The following LRRC40 variants were observed in gnomAD, a reference collection of about 807,000 sequenced individuals.
LRRC40 encodes the protein leucine-rich repeat-containing protein 40.
A neutral mutation model predicts 72.8 loss-of-function variants in LRRC40; 76 were observed. The observed-to-expected ratio is 1.04, with a 90% CI of 0.87 to 1.26. LRRC40 has a LOEUF of 1.26. Ranked by LOEUF, LRRC40 falls within the 50% of genes most tolerant of loss-of-function variation. The probability of loss-of-function intolerance (pLI) is 0.00; values close to 1 mark genes in which losing one functional copy is unlikely to be tolerated. For synonymous variants in LRRC40, 243 were observed against 254.2 expected, an observed-to-expected ratio of 0.96 and a Z score of 0.42; for missense variants, 684 against 698.9, an observed-to-expected ratio of 0.98 and a Z score of 0.24.
intron 5 of LRRC40, among the ~76,000 whole-genome samples, chr1:70,180,848 C>T (rs1343424638): frequency 6.6e-6 from 1 of 152,100 alleles, no homozygotes; most frequent in Admixed American, 6.5e-5. Context: ...AATCCTACTA[C>T]AACGAATAAT....
At chr1:70,170,896 G>C (rs1201592636) in intron 9 of LRRC40, among the ~76,000 whole-genome samples, 1 of 152,048 alleles carries the variant, frequency 6.6e-6, no homozygotes, top group East Asian at 1.9e-4. Context: ...GCAATCCTGA[G>C]AAACAAGAGG....
chr1:70,184,958 C>A, intron 3 of LRRC40, 44 bp from the exon 4 acceptor site: 1 of 1,476,608 alleles, frequency 6.8e-7, no homozygotes, highest in South Asian at 1.2e-5. Context: ...AGTGGCAATA[C>A]AATAAATATT....
intron 1 of LRRC40, among the ~76,000 whole-genome samples, chr1:70,190,677 TAAAAAAAAAAA>T (rs59341874): frequency 1.8e-5 from 1 of 54,360 alleles, no homozygotes; most frequent in South Asian, 6.0e-4. Flanking sequence ...ACCCTGTCTC[TAAAAAAAAAAA>T]AAAAAAAACT....
chr1:70,161,951 T>C (rs1571449190), intron 9 of LRRC40, among the ~76,000 whole-genome samples: 1 of 152,142 alleles, frequency 6.6e-6, no homozygotes, highest in South Asian at 2.1e-4. Flanking sequence ...TATATGTATG[T>C]TGAATGTATT....
At chr1:70,167,039 G>T (rs1431380130) in intron 9 of LRRC40, among the ~76,000 whole-genome samples, 5 of 152,106 alleles carry the variant, frequency 3.3e-5, no homozygotes, top group African/African-American at 1.2e-4. Flanking sequence ...CTCAGTAAAA[G>T]ATTCTACTGA....
In LRRC40 at chr1:70,204,513, CA is replaced by C. The variant is rs533611997; in HGVS notation, c.151+876del. On this transcript the variant is annotated intron_variant, in intron 1 of 14. Coordinates refer to ENST00000370952, the MANE Select transcript of LRRC40 (RefSeq NM_017768.5). ...TGAAAATGAGTATGTTCCCATTGAT[CA>C]AAAACTCTTTTAGGTGGAGTAAGGA... Among the ~76,000 whole-genome samples, 483 of 152,162 alleles carry C rather than the reference CA, an allele frequency of 3.2e-3. 2 individuals are homozygous for C. Among genetic ancestry groups the C allele is most frequent in the African/African-American group, 0.011 (460 of 41,516 alleles).
chr1:70,171,760 G>A (rs1668004538), intron 9 of LRRC40, among the ~76,000 whole-genome samples: 1 of 152,108 alleles, frequency 6.6e-6, no homozygotes, highest in South Asian at 2.1e-4. Context: ...GTAAATTGGT[G>A]CAGTTGCTTT....
At chr1:70,175,471 A>T (rs911555987) in intron 7 of LRRC40, among the ~76,000 whole-genome samples, 3 of 152,176 alleles carry the variant, frequency 2.0e-5, no homozygotes, top group Non-Finnish European at 4.4e-5. Flanking sequence ...AAACAGTGCT[A>T]TGGCAAGGCT....
intron 1 of LRRC40, among the ~76,000 whole-genome samples, chr1:70,199,613 A>C (rs975142117): frequency 3.9e-5 from 6 of 152,122 alleles, no homozygotes; most frequent in Non-Finnish European, 7.3e-5. Flanking sequence ...ATGAATAGTA[A>C]ATATATTTTC....
chr1:70,156,521 A>G (rs1217774889), intron 10 of LRRC40, among the ~76,000 whole-genome samples: 1 of 152,204 alleles, frequency 6.6e-6, no homozygotes, highest in East Asian at 1.9e-4. Context: ...TTTCCTCTTT[A>G]TTAAAATTTT....
intron 9 of LRRC40, among the ~76,000 whole-genome samples, chr1:70,169,374 C>T (rs1349597678): frequency 1.3e-5 from 2 of 152,056 alleles, no homozygotes; most frequent in Non-Finnish European, 2.9e-5. Flanking sequence ...ATTCTTTAAC[C>T]ACCCAGAACG....
intron 10 of LRRC40, among the ~76,000 whole-genome samples, chr1:70,157,776 A>G (rs535281844): frequency 6.6e-6 from 1 of 152,258 alleles, no homozygotes; most frequent in Admixed American, 6.5e-5. Flanking sequence ...AAAAATATCT[A>G]CTGAATAAAT....
At position 70,197,163 on chromosome 1, in the gene LRRC40, T is replaced by G. The variant is rs553254012; in HGVS notation, c.152-7890A>C. Among the ~76,000 whole-genome samples, 4 of 151,780 alleles carry G rather than the reference T, an allele frequency of 2.6e-5. No individual in the cohort carries two copies. The East Asian group carries it at 7.8e-4, about 29-fold the overall frequency. ...TGATGAACTTGATTTTTAATTTTAT[T>G]TAATTTTGATTATTTAAAAGTTAAA... is the stretch of plus-strand genomic sequence containing the variant. On this transcript the variant is annotated intron_variant, in intron 1 of 14. Coordinates refer to ENST00000370952, the MANE Select transcript of LRRC40 (RefSeq NM_017768.5).
intron 1 of LRRC40, among the ~76,000 whole-genome samples, chr1:70,195,899 G>A (rs1279406244): frequency 3.9e-5 from 6 of 152,128 alleles, no homozygotes; most frequent in African/African-American, 7.2e-5. Context: ...GCCTCCCAAA[G>A]TGCTGGGAGT....
In LRRC40 at chr1:70,179,424, C is replaced by T. The variant is rs550541469; in HGVS notation, c.662-431G>A. On this transcript the variant is annotated intron_variant, in intron 5 of 14. Transcript: ENST00000370952. ...AATGCTTGAGTCTGGGAGATCGAGG[C>T]TGCACTGAGCTATGATCATGTCATT... Among the ~76,000 whole-genome samples, 4 of 152,118 alleles carry T rather than the reference C, an allele frequency of 2.6e-5. No individual in the cohort carries two copies. The South Asian group carries it at 8.3e-4, about 32-fold the overall frequency.
chr1:70,146,149 C>T (rs1355256980), intron 14 of LRRC40, among the ~76,000 whole-genome samples: 1 of 152,018 alleles, frequency 6.6e-6, no homozygotes, highest in Non-Finnish European at 1.5e-5. Flanking sequence ...CTCAGCCTCC[C>T]GGGTAGCTGG....
chr1:70,171,316 A>G (rs888163839), intron 9 of LRRC40, among the ~76,000 whole-genome samples: 2 of 152,060 alleles, frequency 1.3e-5, no homozygotes, highest in African/African-American at 4.8e-5. Context: ...ATTTAAAAAA[A>G]AATGAACAAA....
chr1:70,199,290 C>T (rs577144848), intron 1 of LRRC40, among the ~76,000 whole-genome samples: 9 of 151,400 alleles, frequency 5.9e-5, no homozygotes, highest in Non-Finnish European at 8.8e-5. Context: ...TTAACAGTGA[C>T]TAACTCTGGT....
chr1:70,190,745 A>AATAAATT (rs1345648366), intron 1 of LRRC40, among the ~76,000 whole-genome samples: 1 of 150,904 alleles, frequency 6.6e-6, no homozygotes, highest in African/African-American at 2.4e-5. Context: ...TTCATACTAA[A>AATAAATT]ATAAATTATA....
Sources: allele counts gnomAD v4.1 joint callset (sites outside exome capture counted in the v4.1 genomes callset), GRCh38; gene constraint gnomAD v4.1.1; transcripts MANE v1.5; gene names NCBI Gene and HGNC (gene_info 2026-07-23, HGNC 2026-07-21).